The following SPECC1 variants were observed in gnomAD, a reference collection of about 807,000 sequenced individuals.
SPECC1 encodes the protein sperm antigen with calponin homology and coiled-coil domains 1, also known as cytospin-B.
SPECC1 carries 62 observed loss-of-function variants against 104.1 expected under a neutral mutation model. The observed-to-expected ratio is 0.60, with a 90% confidence interval of 0.49 to 0.74. SPECC1 has a LOEUF of 0.74. SPECC1 is among the 30% of genes least tolerant of loss of function. The probability of loss-of-function intolerance (pLI) is 0.00; values close to 1 mark genes in which losing one functional copy is unlikely to be tolerated. For missense variants in SPECC1, 1,306 were observed against 1,310.5 expected, an observed-to-expected ratio of 1.00 and a Z score of 0.05; for synonymous variants, 513 against 501.6, an observed-to-expected ratio of 1.02 and a Z score of -0.30.
chr17:20,286,659 T>C (rs1428009116), intron 12 of SPECC1, among the ~76,000 whole-genome samples: 1 of 152,158 alleles, frequency 6.6e-6, no homozygotes, highest in Admixed American at 6.5e-5. Context: ...AACTGCTGTT[T>C]TTCTGCCTGG....
At chr17:20,210,364 C>G (rs907667807) in intron 4 of SPECC1, among the ~76,000 whole-genome samples, 2 of 152,204 alleles carry the variant, frequency 1.3e-5, no homozygotes, top group Non-Finnish European at 2.9e-5. Flanking sequence ...ATGATGCAGG[C>G]CCAGGCTGTG....
At chr17:20,038,744 A>C (rs1174743815) in intron 1 of SPECC1, among the ~76,000 whole-genome samples, 1 of 152,218 alleles carries the variant, frequency 6.6e-6, no homozygotes, top group Non-Finnish European at 1.5e-5. Flanking sequence ...AATTTTTAAA[A>C]ATACATTAAA....
At chr17:20,272,534 A>T (rs2040443081) in intron 12 of SPECC1, among the ~76,000 whole-genome samples, 1 of 152,186 alleles carries the variant, frequency 6.6e-6, no homozygotes, top group Non-Finnish European at 1.5e-5. Context: ...CACTAATCTG[A>T]CATTCCCCTC....
intron 2 of SPECC1, 117 bp from the exon 3 acceptor site, chr17:20,110,310 C>G: frequency 8.2e-7 from 1 of 1,226,290 alleles, no homozygotes; most frequent in Non-Finnish European, 1.1e-6. Context: ...ACTCAAAGTG[C>G]TGTTATTGTA....
rs556070628 is a variant in SPECC1, at chr17:20,092,080, C to T, written c.-21-4551C>T. Among the ~76,000 whole-genome samples the T allele has an allele frequency of 2.2e-4, 33 of 152,270 alleles. 1 individual carries two copies. Among genetic ancestry groups the T allele is most frequent in the Admixed American group, 6.5e-4 (10 of 15,298 alleles). On this transcript the variant is annotated intron_variant, in intron 1 of 14. Transcript: ENST00000395527. Reference sequence around the variant, plus strand: ...CTCCTTTTCTCCCTCCCTCCTTTCTCTTCTACTTTACACTGTGAAATTTAA... The same window carrying T: ...CTCCTTTTCTCCCTCCCTCCTTTCTTTTCTACTTTACACTGTGAAATTTAA...
At chr17:20,164,535 T>C (rs999149262) in intron 3 of SPECC1, among the ~76,000 whole-genome samples, 1 of 151,914 alleles carries the variant, frequency 6.6e-6, no homozygotes, top group African/African-American at 2.4e-5. Flanking sequence ...AGGGACAAGG[T>C]TGGGATTCTT....
intron 6 of SPECC1, 82 bp from the exon 7 acceptor site, chr17:20,232,118 C>A: frequency 6.6e-7 from 1 of 1,520,910 alleles, no homozygotes; most frequent in Non-Finnish European, 9.0e-7. Flanking sequence ...TTCTTGGTGA[C>A]CAACACGGGG....
chr17:20,277,511 G>A (rs1379348585), intron 12 of SPECC1, among the ~76,000 whole-genome samples: 1 of 152,090 alleles, frequency 6.6e-6, no homozygotes, highest in Non-Finnish European at 1.5e-5. Flanking sequence ...AGGGGGTGTG[G>A]TCTGTCCCTT....
intron 12 of SPECC1, among the ~76,000 whole-genome samples, chr17:20,292,874 T>G (rs2041220026): frequency 6.6e-6 from 1 of 152,212 alleles, no homozygotes; most frequent in South Asian, 2.1e-4. Flanking sequence ...TGTGTGTTGC[T>G]TTCAGCTAGA....
At position 20,204,091 on chromosome 17, in the gene SPECC1, A is replaced by G. The variant is rs112332737; in HGVS notation, c.284-242A>G. Reference sequence around the variant, plus strand: ...TTGTGTGCCCATGCGTGAACCAGCAACTGGCTGGGGATGGGGTCATCCTGA... The same window carrying G: ...TTGTGTGCCCATGCGTGAACCAGCAGCTGGCTGGGGATGGGGTCATCCTGA... On this transcript the variant is annotated intron_variant, in intron 3 of 14. Transcript: ENST00000395527. Among the ~76,000 whole-genome samples, 643 of 152,284 alleles carry G rather than the reference A, an allele frequency of 4.2e-3. 3 individuals carry two copies. Among genetic ancestry groups the G allele is most frequent in the African/African-American group, 0.014 (565 of 41,574 alleles).
chr17:20,111,694 G>T, intron 3 of SPECC1: 3 of 604,754 alleles, frequency 5.0e-6, no homozygotes, highest in Non-Finnish European at 6.1e-6. Context: ...GTCCCCAAAA[G>T]CAGGAAGGTG....
intron 4 of SPECC1, among the ~76,000 whole-genome samples, chr17:20,215,877 C>T (rs1172679902): frequency 6.6e-6 from 1 of 152,104 alleles, no homozygotes; most frequent in Non-Finnish European, 1.5e-5. Context: ...TTAGATATCT[C>T]TAGCTTGATT....
chr17:20,047,915 G>A (rs1049846984), intron 1 of SPECC1, among the ~76,000 whole-genome samples: 6 of 151,938 alleles, frequency 3.9e-5, no homozygotes, highest in East Asian at 1.9e-4. Flanking sequence ...ATGAATGTCC[G>A]CTTTCACTGA....
At chr17:20,052,582 G>T (rs4924802) in intron 1 of SPECC1, among the ~76,000 whole-genome samples, 32,754 of 152,084 alleles carry the variant, frequency 0.22, 4,583 homozygotes, top group Middle Eastern at 0.35. Context: ...TAGACCACAG[G>T]CTGGGAGCAG....
Position 20,059,652 on chromosome 17 carries a change from G to A in SPECC1, c.-21-36979G>A, listed in dbSNP as rs375637244. Among the ~76,000 whole-genome samples the A allele has an allele frequency of 2.6e-5, 4 of 152,116 alleles. No homozygotes were observed. In the South Asian group the frequency reaches 6.2e-4, roughly 24 times the overall value. On this transcript the variant is annotated intron_variant, in intron 1 of 14. Coordinates refer to ENST00000395527, the MANE Select transcript of SPECC1 (RefSeq NM_001243439.2). ...CCCTTTTCCACATTGTACCTTGGTC[G>A]TTGTATATGAACATCAAACATGAAA...
intron 12 of SPECC1, among the ~76,000 whole-genome samples, chr17:20,288,184 G>A (rs2041024696): frequency 6.6e-6 from 1 of 152,058 alleles, no homozygotes; most frequent in Non-Finnish European, 1.5e-5. Context: ...TCTTTATTCA[G>A]TCTATCACTG....
At chr17:20,020,416 A>G (rs1205746361) in intron 1 of SPECC1, among the ~76,000 whole-genome samples, 1 of 149,652 alleles carries the variant, frequency 6.7e-6, no homozygotes, top group East Asian at 2.0e-4. Context: ...GCTCCCTGCA[A>G]CCTCCGCCTC....
At chr17:20,074,369 G>A (rs999409480) in intron 1 of SPECC1, among the ~76,000 whole-genome samples, 6 of 152,180 alleles carry the variant, frequency 3.9e-5, no homozygotes, top group Admixed American at 3.9e-4. Context: ...GCTTTTCTGG[G>A]AAGTTATTTA....
chr17:20,194,051 C>G (rs777253931), intron 3 of SPECC1, among the ~76,000 whole-genome samples: 1 of 152,150 alleles, frequency 6.6e-6, no homozygotes, highest in Non-Finnish European at 1.5e-5. Context: ...TTACGAAAGA[C>G]AAATTATGGT....
Sources: allele counts gnomAD v4.1 joint callset (sites outside exome capture counted in the v4.1 genomes callset), GRCh38; gene constraint gnomAD v4.1.1; transcripts MANE v1.5; gene names NCBI Gene and HGNC (gene_info 2026-07-23, HGNC 2026-07-21).